The following MAN1A1 variants were observed in gnomAD, a reference collection of about 807,000 sequenced individuals.
The protein encoded by MAN1A1 is mannosidase alpha class 1A member 1.
A neutral mutation model predicts 70.8 loss-of-function variants in MAN1A1; 29 were observed. The ratio of observed to expected loss-of-function variants is 0.41; its 90% CI spans 0.31 to 0.56. MAN1A1 has a LOEUF of 0.56. Among genes scored for constraint, MAN1A1 ranks in the 20% least tolerant of loss-of-function variants. MAN1A1 has a pLI of 0.29. For synonymous variants in MAN1A1, 349 were observed against 330.1 expected (o/e 1.06, Z -0.62); for missense variants, 747 against 841.3 (o/e 0.89, Z 1.39).
intron 11 of MAN1A1, among the ~76,000 whole-genome samples, chr6:119,186,739 G>A (rs1773301235): frequency 6.6e-6 from 1 of 152,182 alleles, no homozygotes; most frequent in Non-Finnish European, 1.5e-5. Flanking sequence ...GCAAGCATAT[G>A]CGGGGCTGCT....
chr6:119,346,015 A>G (rs943976050), intron 2 of MAN1A1, among the ~76,000 whole-genome samples: 1 of 152,212 alleles, frequency 6.6e-6, no homozygotes, highest in Non-Finnish European at 1.5e-5. Context: ...CTGAGGCAGG[A>G]GAATTGCTTG....
intron 4 of MAN1A1, among the ~76,000 whole-genome samples, chr6:119,295,932 T>C (rs182041557): frequency 4.6e-5 from 7 of 152,344 alleles, no homozygotes; most frequent in Non-Finnish European, 7.3e-5. Context: ...AACGATACTT[T>C]AATCAATGGC....
intron 5 of MAN1A1, among the ~76,000 whole-genome samples, chr6:119,262,776 T>C (rs1037236501): frequency 6.6e-6 from 1 of 152,102 alleles, no homozygotes; most frequent in East Asian, 1.9e-4. Flanking sequence ...ACATAAACCA[T>C]GGAATACTAC....
chr6:119,201,233 A>T, intron 8 of MAN1A1, 21 bp downstream of exon 8: 1 of 1,540,340 alleles, frequency 6.5e-7, no homozygotes, highest in Non-Finnish European at 9.0e-7. Context: ...GAGCTATAAT[A>T]ATGCAAATCT....
chr6:119,189,395 A>G (rs1486481525), intron 10 of MAN1A1, among the ~76,000 whole-genome samples: 5 of 152,184 alleles, frequency 3.3e-5, no homozygotes, highest in African/African-American at 7.2e-5. Context: ...CCCTTGCCCA[A>G]TGTTATTGGC....
chr6:119,326,246 T>C (rs1773143751), intron 2 of MAN1A1, among the ~76,000 whole-genome samples: 1 of 152,214 alleles, frequency 6.6e-6, no homozygotes, highest in Non-Finnish European at 1.5e-5. Context: ...GCTTAACTCT[T>C]TCTCTCTCTG....
At chr6:119,308,454 T>C (rs1026496248) in intron 2 of MAN1A1, among the ~76,000 whole-genome samples, 1 of 152,168 alleles carries the variant, frequency 6.6e-6, no homozygotes, top group African/African-American at 2.4e-5. Flanking sequence ...TTATAATCCC[T>C]ACAACGCCAC....
intron 4 of MAN1A1, 31 bp from the exon 5 acceptor site, chr6:119,290,794 T>C (rs569629503): frequency 1.2e-5 from 16 of 1,333,662 alleles, no homozygotes; most frequent in Admixed American, 8.8e-5. Context: ...AACATGATGA[T>C]AGTACACAAT....
At chr6:119,236,284 G>T (rs764383439) in intron 6 of MAN1A1, among the ~76,000 whole-genome samples, 3 of 152,096 alleles carry the variant, frequency 2.0e-5, no homozygotes, top group Non-Finnish European at 4.4e-5. Context: ...CAGACAAAAA[G>T]AATCTTTTCA....
chr6:119,233,341 C>T (rs1027731767), intron 6 of MAN1A1, among the ~76,000 whole-genome samples: 1 of 152,128 alleles, frequency 6.6e-6, no homozygotes, highest in Non-Finnish European at 1.5e-5. Context: ...AAAATTAATA[C>T]AAATAAGAGT....
intron 4 of MAN1A1, among the ~76,000 whole-genome samples, chr6:119,301,710 T>C (rs535466838): frequency 9.2e-5 from 14 of 152,298 alleles, no homozygotes; most frequent in Admixed American, 8.5e-4. Context: ...GCCCATCTCA[T>C]AGAGTTGCAG....
At chr6:119,290,345 GA>G (rs1266532289) in intron 5 of MAN1A1, among the ~76,000 whole-genome samples, 20 of 151,256 alleles carry the variant, frequency 1.3e-4, no homozygotes, top group Admixed American at 1.2e-3. Context: ...AATTCTCAAA[GA>G]AAAAAATTCA....
chr6:119,223,114 A>T (rs967654259), intron 6 of MAN1A1, among the ~76,000 whole-genome samples: 4 of 152,152 alleles, frequency 2.6e-5, no homozygotes, highest in Non-Finnish European at 5.9e-5. Context: ...TAGAATATTC[A>T]TTCTAAAATA....
At chr6:119,251,574 C>T (rs1315390015) in intron 5 of MAN1A1, among the ~76,000 whole-genome samples, 1 of 152,192 alleles carries the variant, frequency 6.6e-6, no homozygotes, top group Non-Finnish European at 1.5e-5. Flanking sequence ...ATAACTAGTA[C>T]CATACAATGC....
chr6:119,275,338 G>A (rs1386439358), intron 5 of MAN1A1, among the ~76,000 whole-genome samples: 195 of 85,124 alleles, frequency 2.3e-3, no homozygotes, highest in Non-Finnish European at 2.6e-3. Flanking sequence ...ACGGAGTCTC[G>A]CTCTGTCGCC....
chr6:119,323,954 C>A (rs1334687658), intron 2 of MAN1A1, among the ~76,000 whole-genome samples: 1 of 152,156 alleles, frequency 6.6e-6, no homozygotes, highest in African/African-American at 2.4e-5. Flanking sequence ...TGGGGACTTG[C>A]AAAATTTACC....
chr6:119,309,164 A>C (rs987549563), intron 2 of MAN1A1, among the ~76,000 whole-genome samples: 7 of 152,232 alleles, frequency 4.6e-5, no homozygotes, highest in South Asian at 4.1e-4. Flanking sequence ...AATTATAAAG[A>C]GGAACAGTCA....
chr6:119,232,291 T>C (rs988375657), intron 6 of MAN1A1, among the ~76,000 whole-genome samples: 5 of 142,184 alleles, frequency 3.5e-5, no homozygotes, highest in African/African-American at 1.3e-4. Flanking sequence ...GAGAATGGAG[T>C]GAACCTGGGA....
chr6:119,280,416 A>G (rs544217958), intron 5 of MAN1A1, among the ~76,000 whole-genome samples: 1 of 152,340 alleles, frequency 6.6e-6, no homozygotes, highest in African/African-American at 2.4e-5. Context: ...TGAAATTAAT[A>G]TTTGAATTAA....
Sources: allele counts gnomAD v4.1 joint callset (sites outside exome capture counted in the v4.1 genomes callset), GRCh38; gene constraint gnomAD v4.1.1; transcripts MANE v1.5; gene names NCBI Gene and HGNC (gene_info 2026-07-23, HGNC 2026-07-21).